RASAL2: variants seen among roughly 807,000 people sequenced by gnomAD.
RASAL2 encodes the protein RAS protein activator like 2.
In RASAL2, 58 loss-of-function variants were observed where a neutral mutation model predicts 128.9. The ratio of observed to expected loss-of-function variants is 0.45; its 90% CI spans 0.36 to 0.56. The LOEUF is 0.56. Ranked by LOEUF, RASAL2 falls within the 20% of genes least tolerant of loss-of-function variation. The pLI, the probability that RASAL2 is intolerant of heterozygous loss-of-function variation, is 0.00. For synonymous variants in RASAL2, 561 were observed against 580.8 expected, an observed-to-expected ratio of 0.97 and a Z score of 0.49; for missense variants, 1,360 against 1,601.6, an observed-to-expected ratio of 0.85 and a Z score of 2.57.
At chr1:178,177,080 A>C (rs1328111811) in intron 1 of RASAL2, among the ~76,000 whole-genome samples, 2 of 152,232 alleles carry the variant, frequency 1.3e-5, no homozygotes, top group African/African-American at 4.8e-5. Flanking sequence ...TTAAAGGAAC[A>C]GTGGGTAACA....
At chr1:178,310,591 G>A (rs1173256319) in intron 3 of RASAL2, among the ~76,000 whole-genome samples, 2 of 151,544 alleles carry the variant, frequency 1.3e-5, no homozygotes, top group Non-Finnish European at 2.9e-5. Context: ...ATTTTTTTTC[G>A]ATTGGGACAT....
At chr1:178,430,946 C>A (rs911027196) in intron 5 of RASAL2, among the ~76,000 whole-genome samples, 8 of 137,622 alleles carry the variant, frequency 5.8e-5, no homozygotes, top group East Asian at 2.0e-4. Context: ...ACACACACAC[C>A]CCTCTTATAC....
intron 12 of RASAL2, among the ~76,000 whole-genome samples, chr1:178,456,298 T>G (rs1677768216): frequency 6.6e-6 from 1 of 152,212 alleles, no homozygotes; most frequent in South Asian, 2.1e-4. Context: ...ATCATACTAG[T>G]TGATCCTCTG....
chr1:178,122,584 T>A (rs1659755831), intron 1 of RASAL2, among the ~76,000 whole-genome samples: 1 of 152,218 alleles, frequency 6.6e-6, no homozygotes, highest in African/African-American at 2.4e-5. Context: ...AGAAAATAAA[T>A]GAAGACTGAT....
intron 4 of RASAL2, among the ~76,000 whole-genome samples, chr1:178,400,314 C>A (rs1015410364): frequency 2.6e-5 from 4 of 152,180 alleles, no homozygotes; most frequent in Non-Finnish European, 5.9e-5. Context: ...TTTCTCAGGT[C>A]TCCTTACACA....
In RASAL2 at chr1:178,283,607, A is replaced by G. The variant is rs990850759; in HGVS notation, c.246A>G (p.Ser82=). ...CCCACCGTCTGTCTTGTGGTCAGTC[A>G]CCCTACACCGAGACAACAACGTGGG... ...PPTHRLSCGQ[S]PYTETTTWER... The change falls in exon 2 of 18, where the codon TCA becomes TCG. Residue 82 remains serine, a synonymous_variant. Coordinates refer to ENST00000367649, the MANE Select transcript of RASAL2 (RefSeq NM_170692.4). 2 of 1,613,534 alleles carry G rather than the reference A, an allele frequency of 1.2e-6. No homozygotes were observed. The highest frequency in any genetic ancestry group is 1.3e-5 in the African/African-American group (1 of 74,742).
chr1:178,133,243 A>G (rs1046493705), intron 1 of RASAL2, among the ~76,000 whole-genome samples: 1 of 152,184 alleles, frequency 6.6e-6, no homozygotes, highest in Non-Finnish European at 1.5e-5. Context: ...TGTCTGAGGC[A>G]TTAGCTTTAC....
chr1:178,273,742 A>G (rs1557870043), intron 1 of RASAL2, among the ~76,000 whole-genome samples: 1 of 152,184 alleles, frequency 6.6e-6, no homozygotes, highest in Admixed American at 6.5e-5. Context: ...TTTCGATAAG[A>G]GGGATGTTTT....
intron 1 of RASAL2, among the ~76,000 whole-genome samples, chr1:178,155,286 C>G (rs753981316): frequency 2.0e-5 from 3 of 152,042 alleles, no homozygotes; most frequent in Non-Finnish European, 4.4e-5. Context: ...ATCTAGACTA[C>G]TCAATTCTGA....
intron 3 of RASAL2, among the ~76,000 whole-genome samples, chr1:178,356,075 A>G (rs981039786): frequency 1.3e-5 from 2 of 150,782 alleles, no homozygotes; most frequent in African/African-American, 4.9e-5. Flanking sequence ...AGGCTGAGGC[A>G]GAGAATCGCT....
At chr1:178,352,444 G>T (rs1337602015) in intron 3 of RASAL2, among the ~76,000 whole-genome samples, 3 of 152,136 alleles carry the variant, frequency 2.0e-5, no homozygotes, top group Non-Finnish European at 4.4e-5. Context: ...TGAGAGGTGG[G>T]CTCCCAAGGC....
chr1:178,440,070 C>A (rs1676530635), intron 6 of RASAL2, among the ~76,000 whole-genome samples: 1 of 151,948 alleles, frequency 6.6e-6, no homozygotes, highest in East Asian at 1.9e-4. Flanking sequence ...CTGTAACTAA[C>A]CCAGACCCCA....
At chr1:178,430,801 C>A (rs1003611049) in intron 5 of RASAL2, among the ~76,000 whole-genome samples, 1 of 151,708 alleles carries the variant, frequency 6.6e-6, no homozygotes, top group African/African-American at 2.4e-5. Flanking sequence ...GGGCTTTTGG[C>A]TTCAGTTTGA....
chr1:178,358,275 A>C (rs1670922400), intron 3 of RASAL2, among the ~76,000 whole-genome samples: 1 of 151,028 alleles, frequency 6.6e-6, no homozygotes, highest in East Asian at 1.9e-4. Flanking sequence ...AAGGAAAGGA[A>C]ACAAACAAGA....
chr1:178,180,987 A>G (rs1662089009), intron 1 of RASAL2, among the ~76,000 whole-genome samples: 2 of 152,264 alleles, frequency 1.3e-5, no homozygotes, highest in South Asian at 2.1e-4. Context: ...AATGCTATTC[A>G]TAACATTTTC....
At chr1:178,331,648 G>A (rs1367502896) in intron 3 of RASAL2, among the ~76,000 whole-genome samples, 11 of 146,570 alleles carry the variant, frequency 7.5e-5, no homozygotes, top group Admixed American at 3.5e-4. Flanking sequence ...ATGCAGTGGC[G>A]TGATCTCGGC....
At chr1:178,209,574 A>G (rs570992834) in intron 1 of RASAL2, among the ~76,000 whole-genome samples, 1 of 152,222 alleles carries the variant, frequency 6.6e-6, no homozygotes, top group South Asian at 2.1e-4. Context: ...TTGTTTTGAA[A>G]TAGCATGATG....
chr1:178,229,460 A>T (rs1036816746), intron 1 of RASAL2, among the ~76,000 whole-genome samples: 5 of 151,594 alleles, frequency 3.3e-5, no homozygotes, highest in African/African-American at 1.2e-4. Flanking sequence ...AGCAAGGAGG[A>T]TGGTTATTTT....
chr1:178,138,755 T>C (rs1303688208), intron 1 of RASAL2, among the ~76,000 whole-genome samples: 1 of 152,174 alleles, frequency 6.6e-6, no homozygotes, highest in Non-Finnish European at 1.5e-5. Context: ...GTATGGTCAC[T>C]GCATCTGATC....
Sources: allele counts gnomAD v4.1 joint callset (sites outside exome capture counted in the v4.1 genomes callset), GRCh38; gene constraint gnomAD v4.1.1; transcripts MANE v1.5; gene names NCBI Gene and HGNC (gene_info 2026-07-23, HGNC 2026-07-21).